SAMD12: variants seen among roughly 807,000 people sequenced by gnomAD.
SAMD12 encodes the protein sterile alpha motif domain containing 12, also known as sterile alpha motif domain-containing protein 12.
In SAMD12, 9 loss-of-function variants were observed where a neutral mutation model predicts 15.0. The ratio of observed to expected loss-of-function variants is 0.60; its 90% CI spans 0.36 to 1.05. The LOEUF (loss-of-function observed/expected upper bound fraction) is 1.05. Among genes scored for constraint, SAMD12 ranks in the 50% least tolerant of loss-of-function variants. SAMD12 has a pLI of 0.01. For missense variants in SAMD12, 230 were observed against 234.2 expected (o/e 0.98, Z 0.12); for synonymous variants, 86 against 90.1 (o/e 0.96, Z 0.25).
rs113186433 is a variant in SAMD12 at position 118,348,377 on chromosome 8, C to CT, written c.433+31182dup. ...AGCCACTGCTCCTGACCACTTATTA[C>CT]TTTTTTTTTTTGAGATGGAGTATCG... On this transcript the variant is annotated intron_variant, in intron 4 of 4. Coordinates refer to the SAMD12 transcript ENST00000409003. 8.6e-4 allele frequency among the ~76,000 whole-genome samples: 126 copies of CT among 146,908 alleles called. 1 individual carries two copies. Among genetic ancestry groups the CT allele is most frequent in the African/African-American group, 2.0e-3 (81 of 40,172 alleles).
intron 2 of SAMD12, among the ~76,000 whole-genome samples, chr8:118,476,813 A>T (rs1251450802): frequency 6.6e-6 from 1 of 152,178 alleles, no homozygotes; most frequent in Non-Finnish European, 1.5e-5. Flanking sequence ...ATTTCTGCCA[A>T]GTAACCTTAA....
At chr8:118,470,718 A>G (rs1040723495) in intron 2 of SAMD12, among the ~76,000 whole-genome samples, 2 of 152,178 alleles carry the variant, frequency 1.3e-5, no homozygotes, top group African/African-American at 4.8e-5. Context: ...TCTCACATAG[A>G]TAAGGCACAT....
At chr8:118,471,003 T>C (rs1199627141) in intron 2 of SAMD12, among the ~76,000 whole-genome samples, 1 of 152,340 alleles carries the variant, frequency 6.6e-6, no homozygotes, top group Non-Finnish European at 1.5e-5. Context: ...TGTGAAAGAA[T>C]ATGTGCATTT....
At chr8:118,574,387 G>T (rs1827097944) in intron 2 of SAMD12, among the ~76,000 whole-genome samples, 1 of 152,190 alleles carries the variant, frequency 6.6e-6, no homozygotes. Flanking sequence ...CAGCATAAAA[G>T]AGTGAAAAGC....
At chr8:118,576,370 C>T (rs1041261662) in intron 2 of SAMD12, among the ~76,000 whole-genome samples, 2 of 152,192 alleles carry the variant, frequency 1.3e-5, no homozygotes, top group African/African-American at 4.8e-5. Context: ...CATTCAAATT[C>T]CATCACACAG....
At chr8:118,164,496 G>A in the SAMD12 span, among the ~76,000 whole-genome samples, 1 of 152,136 alleles carries the variant, frequency 6.6e-6, no homozygotes, top group Admixed American at 6.5e-5. Flanking sequence ...CTGTGCACTT[G>A]AGTTCTCTCT....
At chr8:118,480,868 A>G (rs1338164653) in intron 2 of SAMD12, among the ~76,000 whole-genome samples, 2 of 152,006 alleles carry the variant, frequency 1.3e-5, no homozygotes, top group African/African-American at 4.8e-5. Flanking sequence ...AATTCCCTCT[A>G]TCTGCCCAGG....
At chr8:118,580,304 C>G (rs1176155104) in intron 2 of SAMD12, among the ~76,000 whole-genome samples, 5 of 152,122 alleles carry the variant, frequency 3.3e-5, no homozygotes, top group Non-Finnish European at 7.4e-5. Context: ...AATGCTTCCA[C>G]AAGCATACAA....
chr8:118,409,020 T>A (rs1821269006), intron 3 of SAMD12, among the ~76,000 whole-genome samples: 2 of 152,034 alleles, frequency 1.3e-5, no homozygotes, highest in Non-Finnish European at 2.9e-5. Context: ...AGTCTCAGCC[T>A]CCCGAGTTGC....
chr8:118,358,910 A>G (rs1219209661), intron 4 of SAMD12, among the ~76,000 whole-genome samples: 1 of 152,184 alleles, frequency 6.6e-6, no homozygotes, highest in East Asian at 1.9e-4. Flanking sequence ...AACACATCCC[A>G]TGTTAGACCA....
At chr8:118,554,023 T>TTTTTAA (rs1361119173) in intron 2 of SAMD12, among the ~76,000 whole-genome samples, 1 of 152,008 alleles carries the variant, frequency 6.6e-6, no homozygotes, top group Non-Finnish European at 1.5e-5. Context: ...CATTAAAAAG[T>TTTTTAA]CAGGAAACAA....
At chr8:118,587,931 A>G (rs1827492924) in intron 1 of SAMD12, among the ~76,000 whole-genome samples, 1 of 152,238 alleles carries the variant, frequency 6.6e-6, no homozygotes, top group Non-Finnish European at 1.5e-5. Context: ...GAGAAAACAG[A>G]AATCCTAGTA....
intron 3 of SAMD12, among the ~76,000 whole-genome samples, chr8:118,382,601 C>A (rs921829668): frequency 6.6e-6 from 1 of 152,186 alleles, no homozygotes; most frequent in Non-Finnish European, 1.5e-5. Context: ...CTGTGTGATA[C>A]AATCATGCTT....
chr8:118,610,435 G>A (rs1828081186), intron 1 of SAMD12, among the ~76,000 whole-genome samples: 1 of 152,196 alleles, frequency 6.6e-6, no homozygotes, highest in Non-Finnish European at 1.5e-5. Flanking sequence ...GCATACGGCA[G>A]ACATCGCTAC....
At chr8:118,302,152 C>T (rs1349143276) in intron 4 of SAMD12, among the ~76,000 whole-genome samples, 4 of 137,552 alleles carry the variant, frequency 2.9e-5, no homozygotes, top group Non-Finnish European at 4.5e-5. Context: ...AAAATTAAAC[C>T]TCCATCTTAT....
chr8:118,183,004 C>T, the SAMD12 span, among the ~76,000 whole-genome samples: 9 of 152,300 alleles, frequency 5.9e-5, no homozygotes, highest in East Asian at 1.9e-4. Flanking sequence ...GCTAGTTTTT[C>T]GGATACTCTT....
chr8:118,223,097 G>A (rs1812116305), intron 4 of SAMD12, among the ~76,000 whole-genome samples: 1 of 152,170 alleles, frequency 6.6e-6, no homozygotes, highest in African/African-American at 2.4e-5. Context: ...TAAGCAGAAT[G>A]AGAGATATTA....
chr8:118,426,369 A>G (rs1315136839), intron 3 of SAMD12, among the ~76,000 whole-genome samples: 1 of 152,134 alleles, frequency 6.6e-6, no homozygotes, highest in Non-Finnish European at 1.5e-5. Flanking sequence ...ACAGCTTGCA[A>G]GATTGTTGAA....
At chr8:118,381,649 A>G (rs923314235) in intron 3 of SAMD12, among the ~76,000 whole-genome samples, 3 of 152,316 alleles carry the variant, frequency 2.0e-5, no homozygotes, top group Admixed American at 2.0e-4. Context: ...GAGCCAAGGA[A>G]TTCAGGCAGC....
Sources: allele counts gnomAD v4.1 joint callset (sites outside exome capture counted in the v4.1 genomes callset), GRCh38; gene constraint gnomAD v4.1.1; transcripts MANE v1.5; gene names NCBI Gene and HGNC (gene_info 2026-07-23, HGNC 2026-07-21).